TMTC2: variants seen among roughly 807,000 people sequenced by gnomAD.
The protein encoded by TMTC2 is transmembrane O-mannosyltransferase targeting cadherins 2, also known as protein O-mannosyl-transferase TMTC2.
In TMTC2, 43 loss-of-function variants were observed where a neutral mutation model predicts 82.4. The ratio of observed to expected loss-of-function variants is 0.52; its 90% CI spans 0.41 to 0.67. The LOEUF (loss-of-function observed/expected upper bound fraction) is 0.67. Among genes scored for constraint, TMTC2 ranks in the 30% least tolerant of loss-of-function variants. The probability of loss-of-function intolerance (pLI) is 0.00; values close to 1 mark genes in which losing one functional copy is unlikely to be tolerated. For synonymous variants in TMTC2, 408 were observed against 381.9 expected (o/e 1.07, Z -0.80); for missense variants, 919 against 1,012.4 (o/e 0.91, Z 1.25).
intron 1 of TMTC2, among the ~76,000 whole-genome samples, chr12:82,774,637 T>TC (rs1348724652): frequency 6.7e-6 from 1 of 150,034 alleles, no homozygotes; most frequent in Non-Finnish European, 1.5e-5. Flanking sequence ...AGAACAATTT[T>TC]TTTTTTTTTT....
At chr12:82,778,844 G>A (rs111459499) in intron 1 of TMTC2, among the ~76,000 whole-genome samples, 6,452 of 58,186 alleles carry the variant, frequency 0.11, 249 homozygotes, top group Middle Eastern at 0.32. Flanking sequence ...GCGAGACTCC[G>A]TCTCAAAAAA....
intron 3 of TMTC2, among the ~76,000 whole-genome samples, chr12:82,910,379 G>A (rs981179435): frequency 2.8e-5 from 4 of 143,406 alleles, no homozygotes; most frequent in Non-Finnish European, 4.4e-5. Context: ...CGGACAGGCA[G>A]GCTCCAACCC....
rs1016635030 is a variant in TMTC2 at position 82,863,723 on chromosome 12, G to A, written c.654+6143G>A. On this transcript the variant is annotated intron_variant, in intron 2 of 11. Transcript: ENST00000321196. ...TTACACTGTTAATACTTGGAACAAC[G>A]ATCTATTCACAAATTATCATTAAAA... Among the ~76,000 whole-genome samples the A allele has an allele frequency of 1.1e-4, 17 of 151,986 alleles. 1 individual carries two copies. The highest frequency in any genetic ancestry group is 2.4e-5 in the African/African-American group (1 of 41,378).
Position 82,726,847 on chromosome 12 carries a change from C to A in TMTC2, c.83+39178C>A, listed in dbSNP as rs188644914. Reference sequence around the variant, plus strand: ...TGAGCTGAGATGGCGCCACTGCACTCCAGCCTGGGCGAGAGTGCAAGACTC... The same window carrying A: ...TGAGCTGAGATGGCGCCACTGCACTACAGCCTGGGCGAGAGTGCAAGACTC... On this transcript the variant is annotated intron_variant, in intron 1 of 11. Coordinates refer to ENST00000321196, the MANE Select transcript of TMTC2 (RefSeq NM_152588.3). Among the ~76,000 whole-genome samples the A allele has an allele frequency of 2.1e-3, 304 of 148,126 alleles. 1 individual carries two copies. Among genetic ancestry groups the A allele is most frequent in the African/African-American group, 7.1e-3 (285 of 39,942 alleles).
chr12:83,039,438 A>G (rs996051886), intron 9 of TMTC2, among the ~76,000 whole-genome samples: 3 of 151,932 alleles, frequency 2.0e-5, no homozygotes, highest in African/African-American at 7.3e-5. Flanking sequence ...ATGATATTTG[A>G]TGAATATATT....
chr12:83,120,271 G>T (rs612661), intron 11 of TMTC2, among the ~76,000 whole-genome samples: 3 of 152,120 alleles, frequency 2.0e-5, no homozygotes, highest in African/African-American at 4.8e-5. Flanking sequence ...CTTTAAAGAG[G>T]TTCTGTTTTG....
intron 1 of TMTC2, among the ~76,000 whole-genome samples, chr12:82,825,001 A>C (rs931166474): frequency 7.2e-5 from 11 of 152,048 alleles, no homozygotes; most frequent in African/African-American, 2.7e-4. Context: ...AGGCAGGGGA[A>C]TCACTTGAAC....
Position 83,010,098 on chromosome 12 carries a change from G to A in TMTC2, c.2071-20700G>A, listed in dbSNP as rs541639845. ...TGGTTCCAAACAGGCCATGAACTGG[G>A]ACCTGTCCATGGCCTGGGGGTTGGG... On this transcript the variant is annotated intron_variant, in intron 8 of 11. Coordinates refer to ENST00000321196, the MANE Select transcript of TMTC2 (RefSeq NM_152588.3). 3.3e-5 allele frequency among the ~76,000 whole-genome samples: 5 copies of A among 152,124 alleles called. No homozygotes were observed. The South Asian group carries it at 1.0e-3, about 32-fold the overall frequency.
intron 7 of TMTC2, among the ~76,000 whole-genome samples, chr12:82,978,090 G>C (rs1878760545): frequency 6.6e-6 from 1 of 151,648 alleles, no homozygotes; most frequent in Non-Finnish European, 1.5e-5. Context: ...TGATCTTTCA[G>C]ACTTTCTTCA....
intron 1 of TMTC2, among the ~76,000 whole-genome samples, chr12:82,801,241 AGGC>A (rs1263182480): frequency 1.3e-5 from 2 of 151,928 alleles, no homozygotes; most frequent in African/African-American, 4.8e-5. Context: ...CAGTTCTTAA[AGGC>A]GGTGTGTCCG....
intron 1 of TMTC2, among the ~76,000 whole-genome samples, chr12:82,831,795 G>A (rs1168673909): frequency 1.3e-5 from 2 of 152,168 alleles, no homozygotes; most frequent in African/African-American, 4.8e-5. Context: ...CTGGAACTCT[G>A]TCCTTGATTT....
chr12:82,694,867 A>C (rs1311175415), intron 1 of TMTC2, among the ~76,000 whole-genome samples: 1 of 152,154 alleles, frequency 6.6e-6, no homozygotes, highest in Non-Finnish European at 1.5e-5. Flanking sequence ...CCTTGCGGTA[A>C]CGGAATTGAT....
intron 8 of TMTC2, among the ~76,000 whole-genome samples, chr12:83,027,175 A>T (rs1468877789): frequency 6.6e-6 from 1 of 152,172 alleles, no homozygotes; most frequent in Non-Finnish European, 1.5e-5. Flanking sequence ...TTTGTGCCGA[A>T]TGCTGACATA....
intron 11 of TMTC2, among the ~76,000 whole-genome samples, chr12:83,112,048 G>T (rs1197472611): frequency 6.6e-6 from 1 of 152,098 alleles, no homozygotes; most frequent in Non-Finnish European, 1.5e-5. Context: ...GGAGGTTGCA[G>T]TGAGCCAAGA....
At position 82,832,742 on chromosome 12, in the gene TMTC2, A is replaced by T. The variant is rs549564592; in HGVS notation, c.84-24268A>T. Among the ~76,000 whole-genome samples the T allele has an allele frequency of 2.6e-5, 4 of 152,348 alleles. No homozygotes were observed. In the South Asian group the frequency reaches 8.3e-4, roughly 32 times the overall value. ...AAGCAGCTTTTGAATTTTAGCAGAAAGTTCTAAACTTCTCTGAATTATACC... is the reference window on the plus strand; with the variant it reads ...AAGCAGCTTTTGAATTTTAGCAGAATGTTCTAAACTTCTCTGAATTATACC... On this transcript the variant is annotated intron_variant, in intron 1 of 11. Coordinates refer to ENST00000321196, the MANE Select transcript of TMTC2 (RefSeq NM_152588.3).
intron 3 of TMTC2, among the ~76,000 whole-genome samples, chr12:82,897,135 C>T (rs1873728003): frequency 2.0e-5 from 3 of 152,156 alleles, no homozygotes. Context: ...AAGTATGTCT[C>T]TAGATGTCAG....
At chr12:82,732,166 A>C (rs1459635854) in intron 1 of TMTC2, among the ~76,000 whole-genome samples, 1 of 152,164 alleles carries the variant, frequency 6.6e-6, no homozygotes, top group Non-Finnish European at 1.5e-5. Context: ...TTCTTTACCA[A>C]TTTCAAGTTG....
intron 1 of TMTC2, among the ~76,000 whole-genome samples, chr12:82,732,361 G>T (rs945420221): frequency 2.0e-5 from 3 of 150,924 alleles, no homozygotes; most frequent in African/African-American, 7.3e-5. Flanking sequence ...TTTTTTTTAT[G>T]AGACGGATTC....
At chr12:82,842,810 G>A (rs917265825) in intron 1 of TMTC2, among the ~76,000 whole-genome samples, 5 of 152,112 alleles carry the variant, frequency 3.3e-5, no homozygotes, top group African/African-American at 1.2e-4. Context: ...CATTTCTGAT[G>A]TCTCTGTGTG....
Sources: gnomAD v4.1 joint callset for allele counts (sites outside exome capture counted in the v4.1 genomes callset) on GRCh38, gnomAD v4.1.1 for gene constraint, MANE v1.5 for transcripts, NCBI Gene and HGNC (gene_info 2026-07-23, HGNC 2026-07-21) for gene names.